KIAA0825: variants seen among roughly 807,000 people sequenced by gnomAD.
KIAA0825 encodes uncharacterized protein KIAA0825.
A neutral mutation model predicts 147.6 loss-of-function variants in KIAA0825; 119 were observed. That is an observed-to-expected ratio of 0.81 (90% CI 0.69 to 0.94). The LOEUF is 0.94. Among genes scored for constraint, KIAA0825 ranks in the 40% least tolerant of loss-of-function variants. The pLI, the probability that KIAA0825 is intolerant of heterozygous loss-of-function variation, is 0.00. For synonymous variants in KIAA0825, 470 were observed against 518.1 expected (o/e 0.91, Z 1.26); for missense variants, 1,381 against 1,472.7 (o/e 0.94, Z 1.02).
intron 3 of KIAA0825, among the ~76,000 whole-genome samples, chr5:94,533,521 C>T (rs150385023): frequency 0.014 from 2,111 of 152,004 alleles, 45 homozygotes; most frequent in African/African-American, 0.049. Flanking sequence ...GTGATCCGCC[C>T]GCCTCAGCCT....
rs116787674 is a variant in KIAA0825 at position 94,349,770 on chromosome 5, G to A, written c.3710+34598C>T. 8.4e-4 allele frequency among the ~76,000 whole-genome samples: 128 copies of A among 152,208 alleles called. 1 individual carries two copies. Among genetic ancestry groups the A allele is most frequent in the African/African-American group, 2.9e-3 (121 of 41,522 alleles). Reference sequence around the variant, plus strand: ...TGACATAACCTATCAAAACCTCTAGGCTATAGCAAAGGCAGTGCTAAGAGG... The same window carrying A: ...TGACATAACCTATCAAAACCTCTAGACTATAGCAAAGGCAGTGCTAAGAGG... On this transcript the variant is annotated intron_variant, in intron 20 of 20. Transcript: ENST00000682413.
rs1460596211 is a variant in KIAA0825 at position 94,152,722 on chromosome 5, G to A, written c.*1285C>T. Reference sequence around the variant, plus strand: ...TCTAGCTACTCAGGAGGCTGAGGTGGGAGTATTGCTTGAGCCTATGAGTTT... The same window carrying A: ...TCTAGCTACTCAGGAGGCTGAGGTGAGAGTATTGCTTGAGCCTATGAGTTT... On this transcript the variant is annotated 3_prime_UTR_variant, in exon 21 of 21. Transcript: ENST00000682413. 6.9e-6 allele frequency among the ~76,000 whole-genome samples: 1 copy of A among 144,706 alleles called. No homozygotes were observed. The highest frequency in any genetic ancestry group is 1.5e-5 in the Non-Finnish European group (1 of 66,418). 94.9% of individuals were successfully genotyped at this position (144,706 alleles called of 152,430 possible). A position where few individuals can be genotyped will look rare whatever the true frequency, so the allele number is the denominator to read the frequency against.
chr5:94,302,830 C>CA (rs957607856), intron 20 of KIAA0825, among the ~76,000 whole-genome samples: 11 of 151,978 alleles, frequency 7.2e-5, no homozygotes, highest in Non-Finnish European at 1.3e-4. Context: ...TTTTAGCTTT[C>CA]ATGAGAAAAT....
intron 20 of KIAA0825, among the ~76,000 whole-genome samples, chr5:94,170,676 A>G (rs1768532988): frequency 6.6e-6 from 1 of 152,160 alleles, no homozygotes; most frequent in Non-Finnish European, 1.5e-5. Context: ...GCTGGAACAA[A>G]ATGAAAATGA....
intron 15 of KIAA0825, among the ~76,000 whole-genome samples, chr5:94,411,320 C>G (rs1048578121): frequency 3.3e-5 from 5 of 151,992 alleles, no homozygotes; most frequent in Admixed American, 1.3e-4. Flanking sequence ...AAATAGAAAG[C>G]AAGTAACAAT....
At chr5:94,239,240 G>A (rs1016217659) in intron 20 of KIAA0825, among the ~76,000 whole-genome samples, 4 of 152,056 alleles carry the variant, frequency 2.6e-5, no homozygotes, top group Admixed American at 2.0e-4. Context: ...CCGCTTCATC[G>A]GGGCCAATCT....
At chr5:94,434,933 C>T (rs1756146345) in intron 14 of KIAA0825, among the ~76,000 whole-genome samples, 1 of 152,002 alleles carries the variant, frequency 6.6e-6, no homozygotes, top group African/African-American at 2.4e-5. Context: ...ACATTCAAAC[C>T]ATAGCAGTTG....
rs147556107 is a variant in KIAA0825 at position 94,528,542 on chromosome 5, G to A, written c.132-4444C>T. ...ACTCCCCAGAATTCCAGTGGGTGCC[G>A]GGTAGTACTGGCAGGACCAAAGTGA... On this transcript the variant is annotated intron_variant, in intron 3 of 20. Coordinates refer to ENST00000682413, the MANE Select transcript of KIAA0825 (RefSeq NM_001145678.3). 2.0e-3 allele frequency among the ~76,000 whole-genome samples: 310 copies of A among 152,210 alleles called. 1 individual carries two copies. The highest frequency in any genetic ancestry group is 7.1e-3 in the African/African-American group (295 of 41,526).
At chr5:94,205,371 G>T (rs915440182) in intron 20 of KIAA0825, among the ~76,000 whole-genome samples, 1 of 147,632 alleles carries the variant, frequency 6.8e-6, no homozygotes, top group Admixed American at 6.8e-5. Context: ...GCGTGATCTC[G>T]GCTCACTGCA....
chr5:94,256,820 T>G (rs1451071479), intron 20 of KIAA0825, among the ~76,000 whole-genome samples: 1 of 152,076 alleles, frequency 6.6e-6, no homozygotes, highest in Non-Finnish European at 1.5e-5. Flanking sequence ...TAGGCAGAGC[T>G]CTTCTTAGAA....
At chr5:94,383,787 C>CTGTGTGTGTGTG (rs6149118) in intron 20 of KIAA0825, among the ~76,000 whole-genome samples, 16 of 145,452 alleles carry the variant, frequency 1.1e-4, no homozygotes, top group East Asian at 1.0e-3. Context: ...TTATACTGCT[C>CTGTGTGTGTGTG]TGTGTGTGTG....
At position 94,434,316 on chromosome 5, in the gene KIAA0825, C is replaced by T. The variant is rs527727564; in HGVS notation, c.2497+5666G>A. 9.2e-5 allele frequency among the ~76,000 whole-genome samples: 14 copies of T among 152,272 alleles called. No individual in the cohort carries two copies. The South Asian group carries it at 2.5e-3, about 27-fold the overall frequency. On this transcript the variant is annotated intron_variant, in intron 14 of 20. Coordinates refer to ENST00000682413, the MANE Select transcript of KIAA0825 (RefSeq NM_001145678.3). ...CATAATTCCACTTCCTAAAAGTTTG[C>T]AGCCTATGAAGCATAAATTATAAAT...
chr5:94,255,589 G>T (rs1776205010), intron 20 of KIAA0825, among the ~76,000 whole-genome samples: 1 of 150,296 alleles, frequency 6.7e-6, no homozygotes, highest in African/African-American at 2.5e-5. Flanking sequence ...CAGAAATATG[G>T]TTTTTATTTT....
intron 5 of KIAA0825, among the ~76,000 whole-genome samples, chr5:94,508,575 T>C (rs998756490): frequency 6.6e-5 from 10 of 152,198 alleles, no homozygotes; most frequent in African/African-American, 2.2e-4. Flanking sequence ...ACAGTTGTTA[T>C]TGATTCCAGC....
intron 1 of KIAA0825, among the ~76,000 whole-genome samples, chr5:94,595,386 G>A (rs1292210598): frequency 6.6e-6 from 1 of 152,218 alleles, no homozygotes; most frequent in African/African-American, 2.4e-5. Flanking sequence ...ACCCTCTGAA[G>A]CAACGGCCTG....
At position 94,151,690 on chromosome 5, in the gene KIAA0825, G is replaced by T. The variant is rs1333244102; in HGVS notation, c.*2317C>A. ...GCCACAGAAAAGATTTTTTCTGGAG[G>T]AGCAAAATTACTTCCCAGGATTAAT... On this transcript the variant is annotated 3_prime_UTR_variant, in exon 21 of 21. Transcript: ENST00000682413. Among the ~76,000 whole-genome samples the T allele has an allele frequency of 6.6e-6, 1 of 152,034 alleles. No homozygotes were observed. Among genetic ancestry groups the T allele is most frequent in the Non-Finnish European group, 1.5e-5 (1 of 68,016 alleles).
chr5:94,226,058 T>C (rs994526946), intron 20 of KIAA0825, among the ~76,000 whole-genome samples: 1 of 152,044 alleles, frequency 6.6e-6, no homozygotes, highest in Non-Finnish European at 1.5e-5. Flanking sequence ...AAAGAAACTA[T>C]CATCAGAGTG....
chr5:94,454,874 T>TACATGTCTA (rs1257636756), intron 12 of KIAA0825, among the ~76,000 whole-genome samples: 3 of 152,014 alleles, frequency 2.0e-5, no homozygotes, highest in African/African-American at 7.2e-5. Flanking sequence ...AGTAGACAAA[T>TACATGTCTA]ATAAAACATG....
intron 20 of KIAA0825, among the ~76,000 whole-genome samples, chr5:94,191,322 A>C (rs1382260832): frequency 2.0e-5 from 3 of 152,180 alleles, no homozygotes; most frequent in African/African-American, 7.2e-5. Flanking sequence ...GTTTAATTTC[A>C]TTCTAGAGAG....
Sources: allele counts gnomAD v4.1 joint callset (sites outside exome capture counted in the v4.1 genomes callset), GRCh38; gene constraint gnomAD v4.1.1; transcripts MANE v1.5; gene names NCBI Gene and HGNC (gene_info 2026-07-23, HGNC 2026-07-21).